Variants in RALGPS2 observed in about 807,000 individuals in gnomAD.
RALGPS2 encodes the protein ras-specific guanine nucleotide-releasing factor RalGPS2.
A neutral mutation model predicts 86.8 loss-of-function variants in RALGPS2; 43 were observed. The ratio of observed to expected loss-of-function variants is 0.50; its 90% CI spans 0.39 to 0.64. The LOEUF (loss-of-function observed/expected upper bound fraction) is 0.64, where lower values mean the gene tolerates loss of function less well. Ranked by LOEUF, RALGPS2 falls within the 30% of genes least tolerant of loss-of-function variation. RALGPS2 has a pLI of 0.00. For missense variants in RALGPS2, 536 were observed against 694.6 expected (o/e 0.77, Z 2.57); for synonymous variants, 243 against 231.3 (o/e 1.05, Z -0.46).
chr1:178,748,393 T>G (rs1651461467), intron 1 of RALGPS2, among the ~76,000 whole-genome samples: 1 of 151,874 alleles, frequency 6.6e-6, no homozygotes, highest in Admixed American at 6.6e-5. Flanking sequence ...AAAGGACTTG[T>G]GTACTAATGT....
At chr1:178,860,366 C>A (rs981776426) in intron 8 of RALGPS2, among the ~76,000 whole-genome samples, 40 of 151,960 alleles carry the variant, frequency 2.6e-4, no homozygotes, top group African/African-American at 9.2e-4. Flanking sequence ...TTTATAACTT[C>A]ATGGGTTTTT....
At chr1:178,884,333 C>T (rs1252852896) in intron 11 of RALGPS2, among the ~76,000 whole-genome samples, 1 of 152,088 alleles carries the variant, frequency 6.6e-6, no homozygotes, top group Non-Finnish European at 1.5e-5. Flanking sequence ...GCATATACCA[C>T]AAATAATTTT....
Position 178,784,424 on chromosome 1 carries a change from A to G in RALGPS2, c.64A>G (p.Ser22Gly). Residue 22 changes from serine to glycine, a missense_variant, in exon 3 of 20, where the codon AGC becomes GGC. By Grantham distance (56) the Ser-to-Gly change is moderately conservative. Transcript: ENST00000367635. ...TTTTCTTTCACTTTAACAGAAAAGT[A>G]GCAGCTCTGAATCCTTAAGTGACAA... ...NIAATASEKS[S>G]SSESLSDKGS... 1 of 1,596,600 alleles carries G rather than the reference A, an allele frequency of 6.3e-7. No individual in the cohort carries two copies. The highest frequency in any genetic ancestry group is 8.6e-7 in the Non-Finnish European group (1 of 1,168,972).
At chr1:178,902,414 C>G (rs541533340) in intron 18 of RALGPS2, among the ~76,000 whole-genome samples, 2 of 152,064 alleles carry the variant, frequency 1.3e-5, no homozygotes, top group African/African-American at 4.8e-5. Flanking sequence ...TACTTCTGTC[C>G]CATTATGTAT....
chr1:178,865,545 C>G (rs746632905), intron 8 of RALGPS2: 2 of 1,614,004 alleles, frequency 1.2e-6, no homozygotes, highest in East Asian at 4.5e-5. Flanking sequence ...GTGATCATGT[C>G]TTTAATGGTA....
At chr1:178,845,121 T>C (rs912337226) in intron 8 of RALGPS2, among the ~76,000 whole-genome samples, 2 of 150,398 alleles carry the variant, frequency 1.3e-5, no homozygotes, top group African/African-American at 4.9e-5. Flanking sequence ...AAAAAAACCA[T>C]ATTTTTTGAA....
chr1:178,770,018 C>CTTTTTTTTT (rs35638965), intron 1 of RALGPS2, among the ~76,000 whole-genome samples: 1 of 134,114 alleles, frequency 7.5e-6, no homozygotes, highest in Non-Finnish European at 1.6e-5. Context: ...TCGATTGCTT[C>CTTTTTTTTT]TTTTTTTTTT....
intron 4 of RALGPS2, among the ~76,000 whole-genome samples, chr1:178,801,102 T>G (rs920351754): frequency 1.3e-5 from 2 of 152,130 alleles, no homozygotes; most frequent in Admixed American, 1.3e-4. Context: ...AATTTTTGTA[T>G]TTTTAGTAGA....
chr1:178,736,334 G>C (rs1650703156), intron 1 of RALGPS2, among the ~76,000 whole-genome samples: 1 of 151,740 alleles, frequency 6.6e-6, no homozygotes, highest in African/African-American at 2.4e-5. Flanking sequence ...GCTAATTCTT[G>C]TATTTTCAGT....
intron 16 of RALGPS2, among the ~76,000 whole-genome samples, chr1:178,894,616 C>T (rs1210195080): frequency 1.3e-5 from 2 of 152,040 alleles, no homozygotes; most frequent in Non-Finnish European, 2.9e-5. Context: ...CTCAGAACAA[C>T]ACATGATTTT....
chr1:178,823,547 G>A (rs1332726063), intron 7 of RALGPS2, among the ~76,000 whole-genome samples: 1 of 152,208 alleles, frequency 6.6e-6, no homozygotes, highest in Non-Finnish European at 1.5e-5. Flanking sequence ...TGGAGGAATT[G>A]AGGGAACCAT....
At chr1:178,897,116 AG>A (rs1304589516) in intron 16 of RALGPS2, among the ~76,000 whole-genome samples, 4 of 152,040 alleles carry the variant, frequency 2.6e-5, no homozygotes, top group Non-Finnish European at 5.9e-5. Context: ...CCCATCAAAA[AG>A]TGGGCGAAGG....
chr1:178,767,665 GA>G (rs1652580873), intron 1 of RALGPS2, among the ~76,000 whole-genome samples: 1 of 152,226 alleles, frequency 6.6e-6, no homozygotes, highest in Non-Finnish European at 1.5e-5. Flanking sequence ...TGCTGGGCTG[GA>G]AGCTGTTGCA....
intron 8 of RALGPS2, among the ~76,000 whole-genome samples, chr1:178,848,675 AAG>A (rs1656989686): frequency 6.6e-6 from 1 of 152,140 alleles, no homozygotes. Context: ...TTTTTTGAGA[AAG>A]AGTCTAACTC....
intron 2 of RALGPS2, among the ~76,000 whole-genome samples, chr1:178,779,135 CAAAA>C (rs2102113280): frequency 1.3e-5 from 2 of 152,174 alleles, no homozygotes; most frequent in South Asian, 4.1e-4. Flanking sequence ...TTAGAGGAAA[CAAAA>C]GAACCGTTAG....
At chr1:178,849,050 C>T (rs763150615) in intron 8 of RALGPS2, among the ~76,000 whole-genome samples, 10 of 152,140 alleles carry the variant, frequency 6.6e-5, no homozygotes, top group African/African-American at 9.7e-5. Context: ...TGAGTACTTA[C>T]GAATGTCAAG....
At chr1:178,886,329 G>T (rs1446659038) in intron 13 of RALGPS2, among the ~76,000 whole-genome samples, 1 of 152,232 alleles carries the variant, frequency 6.6e-6, no homozygotes, top group African/African-American at 2.4e-5. Flanking sequence ...TTTGAAGAAG[G>T]TGGAAAAAGA....
At chr1:178,876,665 G>A (rs1353554979) in intron 8 of RALGPS2, among the ~76,000 whole-genome samples, 1 of 152,146 alleles carries the variant, frequency 6.6e-6, no homozygotes, top group Admixed American at 6.5e-5. Context: ...ATGAAGTAAT[G>A]GGGTAAAAGT....
At chr1:178,787,874 G>T (rs1056590554) in intron 4 of RALGPS2, among the ~76,000 whole-genome samples, 1 of 152,064 alleles carries the variant, frequency 6.6e-6, no homozygotes, top group Non-Finnish European at 1.5e-5. Flanking sequence ...CCCTCTAAAT[G>T]CTTTTTTACC....
Sources: allele counts gnomAD v4.1 joint callset (sites outside exome capture counted in the v4.1 genomes callset), GRCh38; gene constraint gnomAD v4.1.1; transcripts MANE v1.5; gene names NCBI Gene and HGNC (gene_info 2026-07-23, HGNC 2026-07-21).